Variants in PCNX1 observed in about 807,000 individuals in gnomAD.
PCNX1 encodes pecanex 1, also known as pecanex-like protein 1.
Under a neutral mutation model 242.2 loss-of-function variants are expected in PCNX1, and 78 were observed. The observed-to-expected ratio is 0.32, with a 90% confidence interval of 0.27 to 0.39. The LOEUF is 0.39. Ranked by LOEUF, PCNX1 falls within the 10% of genes least tolerant of loss-of-function variation. The probability of loss-of-function intolerance (pLI) is 1.00; values close to 1 mark genes in which losing one functional copy is unlikely to be tolerated. For missense variants in PCNX1, 2,581 were observed against 2,856.5 expected, an observed-to-expected ratio of 0.90 and a Z score of 2.20; for synonymous variants, 1,024 against 1,032.9, an observed-to-expected ratio of 0.99 and a Z score of 0.17.
chr14:70,916,360 C>A (rs1442319857), intron 1 of PCNX1, among the ~76,000 whole-genome samples: 1 of 151,994 alleles, frequency 6.6e-6, no homozygotes, highest in African/African-American at 2.4e-5. Context: ...AATTCCAAGG[C>A]CTAAACAGCA....
intron 2 of PCNX1, among the ~76,000 whole-genome samples, chr14:70,949,844 GA>G (rs1254295653): frequency 6.6e-6 from 1 of 152,164 alleles, no homozygotes; most frequent in Non-Finnish European, 1.5e-5. Context: ...ATAACTCTTG[GA>G]AAATTTGTGA....
intron 11 of PCNX1, among the ~76,000 whole-genome samples, chr14:71,014,094 GGAA>G (rs1370163602): frequency 6.6e-6 from 1 of 152,132 alleles, no homozygotes; most frequent in Non-Finnish European, 1.5e-5. Flanking sequence ...CACAGCACTG[GGAA>G]TAGTACATGT....
intron 1 of PCNX1, among the ~76,000 whole-genome samples, chr14:70,925,514 C>G (rs375319499): frequency 3.5e-3 from 521 of 150,598 alleles, no homozygotes; most frequent in African/African-American, 0.012. Context: ...CATTCACTAT[C>G]AGACTAATAT....
At chr14:71,050,512 T>A (rs377727245) in intron 22 of PCNX1, 140 bp from the exon 23 acceptor site, 3 of 659,198 alleles carry the variant, frequency 4.6e-6, no homozygotes, top group African/African-American at 3.7e-5. Context: ...TTTCCTGTTA[T>A]GTAAATGGCA....
Position 70,978,313 on chromosome 14 carries a change from C to G in PCNX1, c.1976C>G (p.Thr659Arg), listed in dbSNP as rs753542071. The part of the protein sequence containing the change: ...HKERGTDSEH[T>R]HKAHLVPEGT... The stretch of plus-strand genomic sequence containing the variant: ...GAAAGGGGCACAGACTCTGAACACA[C>G]ACACAAAGCTCATTTGGTTCCTGAA... The change falls in exon 6 of 36, where the codon ACA becomes AGA. Residue 659 changes from threonine (T) to arginine (R), a missense_variant. This residue lies in a region of PCNX1 where 1,204 missense variants were observed against 1,216.7 expected (regional missense o/e 0.99). Coordinates refer to ENST00000304743, the MANE Select transcript of PCNX1 (RefSeq NM_014982.3). 14 of 1,614,048 alleles carry G rather than the reference C, an allele frequency of 8.7e-6. No individual in the cohort carries two copies. The Admixed American group carries it at 1.7e-4, about 19-fold the overall frequency.
chr14:70,943,205 G>A (rs889934979), intron 1 of PCNX1, among the ~76,000 whole-genome samples: 3 of 152,174 alleles, frequency 2.0e-5, no homozygotes, highest in Admixed American at 2.0e-4. Flanking sequence ...CAAAAATGTG[G>A]AAGTGACTTT....
At chr14:70,994,426 T>TATATAGATATAG (rs1387360991) in intron 7 of PCNX1, among the ~76,000 whole-genome samples, 1 of 114,984 alleles carries the variant, frequency 8.7e-6, no homozygotes, top group Non-Finnish European at 1.8e-5. Context: ...TATATATATA[T>TATATAGATATAG]ATATGTATGT....
At chr14:70,978,838 T>C (rs948233097) in intron 6 of PCNX1, among the ~76,000 whole-genome samples, 190 bp downstream of exon 6, 2 of 152,190 alleles carry the variant, frequency 1.3e-5, no homozygotes, top group Admixed American at 1.3e-4. Flanking sequence ...CAAGAACATA[T>C]TTTTTGGTTG....
chr14:70,962,088 C>CT, intron 2 of PCNX1, 138 bp from the exon 3 acceptor site: 1 of 604,878 alleles, frequency 1.7e-6, no homozygotes, highest in Non-Finnish European at 3.0e-6. Context: ...CGTTGTTTAC[C>CT]TTTTTTGCTA....
Position 71,109,775 on chromosome 14 carries a change from G to A in PCNX1, c.6886-20G>A. ...TCCAGGTCTCCAGTGCTAACTTCTT[G>A]TTTTATTCTGAATCATTAGGTGATT... On this transcript the variant is annotated intron_variant, in intron 35 of 35. Transcript: ENST00000304743. The A allele has an allele frequency of 1.9e-6, 3 of 1,613,298 alleles. No homozygotes were observed. The highest frequency in any genetic ancestry group is 2.5e-6 in the Non-Finnish European group (3 of 1,179,326).
At chr14:70,911,871 G>T (rs181591809) in intron 1 of PCNX1, among the ~76,000 whole-genome samples, 3 of 152,268 alleles carry the variant, frequency 2.0e-5, no homozygotes, top group African/African-American at 7.2e-5. Flanking sequence ...GGATTATTAA[G>T]TCAAATCATT....
chr14:71,018,872 A>G (rs1015975118), intron 11 of PCNX1, 137 bp from the exon 12 acceptor site: 1 of 641,378 alleles, frequency 1.6e-6, no homozygotes, highest in Non-Finnish European at 2.6e-6. Flanking sequence ...ATGATCTAAA[A>G]CCTTGTTCAA....
chr14:70,971,121 T>G (rs199555929), intron 5 of PCNX1, among the ~76,000 whole-genome samples: 1 of 2,368 alleles, frequency 4.2e-4, no homozygotes, highest in African/African-American at 1.3e-3. Context: ...TATAGTTTTT[T>G]TTTTTTTTTT....
intron 1 of PCNX1, among the ~76,000 whole-genome samples, chr14:70,941,549 G>A (rs1483499560): frequency 2.0e-5 from 3 of 152,216 alleles, no homozygotes; most frequent in African/African-American, 4.8e-5. Context: ...GTACTGGGAG[G>A]TGTCTCCCAG....
In PCNX1 at chr14:71,033,943, A is replaced by G. The variant is rs1197829700; in HGVS notation, c.3681A>G (p.Gln1227=). The change falls in exon 18 of 36, where the codon CAA becomes CAG. Residue 1227 remains glutamine, a synonymous_variant. Coordinates refer to ENST00000304743, the MANE Select transcript of PCNX1 (RefSeq NM_014982.3). ...SDPSVLFSLV[Q]SKIFPKTEEK... ...TCTTCACATAAAGCTCTTTAGTGCA[A>G]TCCAAGATTTTTCCAAAAACGGAAG... The G allele has an allele frequency of 6.3e-7, 1 of 1,593,116 alleles. No homozygotes were observed. Among genetic ancestry groups the G allele is most frequent in the South Asian group, 1.1e-5 (1 of 89,668 alleles).
intron 19 of PCNX1, among the ~76,000 whole-genome samples, chr14:71,043,487 T>G: frequency 2.0e-5 from 3 of 151,546 alleles, no homozygotes; most frequent in East Asian, 1.9e-4. Context: ...CCCTCCCTCC[T>G]TCCCTCTCTC....
intron 2 of PCNX1, among the ~76,000 whole-genome samples, chr14:70,948,584 T>C (rs1440326356): frequency 6.6e-6 from 1 of 151,704 alleles, no homozygotes; most frequent in African/African-American, 2.4e-5. Context: ...TATACACATA[T>C]GCATATATAG....
At chr14:71,021,785 C>T (rs897325184) in intron 12 of PCNX1, among the ~76,000 whole-genome samples, 3 of 152,086 alleles carry the variant, frequency 2.0e-5, no homozygotes, top group African/African-American at 7.2e-5. Context: ...TTATACCACC[C>T]TCATGTTTCT....
At chr14:70,952,625 G>A (rs2057831678) in intron 2 of PCNX1, among the ~76,000 whole-genome samples, 1 of 152,084 alleles carries the variant, frequency 6.6e-6, no homozygotes, top group Admixed American at 6.5e-5. Flanking sequence ...ACTCACGCAT[G>A]GTGATGTTTG....
Sources: gnomAD v4.1 joint callset for allele counts (sites outside exome capture counted in the v4.1 genomes callset) on GRCh38, gnomAD v4.1.1 for gene constraint, gnomAD v4.1.1 regional missense constraint, MANE v1.5 for transcripts, NCBI Gene and HGNC (gene_info 2026-07-23, HGNC 2026-07-21) for gene names.